The following TNK2 variants were observed in gnomAD, a reference collection of about 807,000 sequenced individuals.
The protein encoded by TNK2 is tyrosine kinase non receptor 2.
Under a neutral mutation model 101.8 loss-of-function variants are expected in TNK2, and 83 were observed. That is an observed-to-expected ratio of 0.82 (90% CI 0.68 to 0.98). TNK2 has a LOEUF of 0.98. Ranked by LOEUF, TNK2 falls within the 50% of genes least tolerant of loss-of-function variation. The pLI is 0.00. For synonymous variants in TNK2, 804 were observed against 633.0 expected (o/e 1.27, Z -4.06); for missense variants, 1,665 against 1,483.2 (o/e 1.12, Z -2.01).
Position 195,868,482 on chromosome 3 carries a change from G to A in TNK2, c.1816C>T (p.Gln606Ter). The stretch of plus-strand genomic sequence containing the variant: ...AGGGAGCAGGCGTCCATGGCCAGCT[G>A]CGCCAGGGAGGGCGCGCAGGGCCGT... ...ALRPCAPSLA[Q>*]LAMDACSLLD... Residue 606 changes from glutamine to a stop codon, truncating the protein, a stop_gained, in exon 13 of 16, where the codon CAG (glutamine) becomes TAG (stop). Transcript: ENST00000672887. LOFTEE classifies it high-confidence loss of function. 6.4e-7 allele frequency: 1 copy of A among 1,550,782 alleles called. No homozygotes were observed. The highest frequency in any genetic ancestry group is 2.3e-5 in the East Asian group (1 of 43,346).
At position 195,888,111 on chromosome 3, in the gene TNK2, T is replaced by C. The variant is rs1233124486; in HGVS notation, c.163+315A>G. Among the ~76,000 whole-genome samples, 1 of 152,062 alleles carries C rather than the reference T, an allele frequency of 6.6e-6. No homozygotes were observed. The highest frequency in any genetic ancestry group is 2.4e-5 in the African/African-American group (1 of 41,408). The stretch of plus-strand genomic sequence containing the variant: ...ATGGACCCCCCGGTAGTCAGAATGA[T>C]GAGAACAGACTCAATTCGATGCTTA... On this transcript the variant is annotated intron_variant, in intron 2 of 15. Coordinates refer to ENST00000672887, the MANE Select transcript of TNK2 (RefSeq NM_001382273.1). The surrounding 1 kb of genome is among the most constrained non-coding windows in gnomAD (Gnocchi z 5.3).
intron 6 of TNK2, 139 bp from the exon 7 acceptor site, chr3:195,879,314 G>C (rs1194419787): frequency 1.5e-6 from 2 of 1,350,624 alleles, no homozygotes; most frequent in African/African-American, 2.9e-5. Context: ...GGGGCGCCGT[G>C]TGAAGCGGGC....
At chr3:195,889,110 C>T (rs1039980990) in intron 1 of TNK2, among the ~76,000 whole-genome samples, 3 of 151,906 alleles carry the variant, frequency 2.0e-5, no homozygotes, top group African/African-American at 7.3e-5. Context: ...AAGTTCCTCC[C>T]AGCGCCTGAC....
rs1176023682 is a variant in TNK2 at position 195,905,115 on chromosome 3, G to A, written c.-19+3370C>T. On this transcript the variant is annotated intron_variant, in intron 1 of 15. Transcript: ENST00000672887. ...TAGTTTATAAACCCACAGTAATCAA[G>A]ATAGTGTGATACTGGGATAAAGACA... is the stretch of plus-strand genomic sequence containing the variant. Among the ~76,000 whole-genome samples, 3 of 152,190 alleles carry A rather than the reference G, an allele frequency of 2.0e-5. No individual in the cohort carries two copies. In the East Asian group the frequency reaches 5.8e-4, roughly 29 times the overall value.
chr3:195,900,961 G>T (rs780042340), intron 1 of TNK2, among the ~76,000 whole-genome samples: 1 of 152,246 alleles, frequency 6.6e-6, no homozygotes, highest in Non-Finnish European at 1.5e-5. Flanking sequence ...GAGGTGGAGT[G>T]TGGAAAGAAG....
At chr3:195,864,859 T>C (rs1371692388) in intron 15 of TNK2, among the ~76,000 whole-genome samples, 1 of 119,068 alleles carries the variant, frequency 8.4e-6, no homozygotes, top group African/African-American at 3.3e-5. Flanking sequence ...CCCGAGACAG[T>C]GACAGACAGG....
rs56190948 is a variant in TNK2 at position 195,888,496 on chromosome 3, G to A, written c.93C>T (p.Asn31=). Residue 31 remains asparagine (N), a synonymous_variant, in exon 2 of 16, where the codon AAC becomes AAT. Transcript: ENST00000672887. This position sits in a 1 kb window ranked among gnomAD's most constrained non-coding sequence, Gnocchi z 5.3. ...QYFLRLRDDL[N]VTRLSHFEYV... is the part of the protein sequence containing the mutation. Reference sequence around the variant, plus strand: ...ACTCAAAGTGGGACAGGCGGGTGACGTTGAGGTCATCTCGGAGCCGCAGGA... The same window carrying A: ...ACTCAAAGTGGGACAGGCGGGTGACATTGAGGTCATCTCGGAGCCGCAGGA... 8.3e-4 allele frequency: 1,340 copies of A among 1,613,982 alleles called. 10 individuals are homozygous for A. The African/African-American group carries it at 0.016, about 19-fold the overall frequency.
chr3:195,907,662 G>T (rs1003914158), intron 1 of TNK2, among the ~76,000 whole-genome samples: 1 of 152,218 alleles, frequency 6.6e-6, no homozygotes, highest in African/African-American at 2.4e-5. Flanking sequence ...GAGTCAACAA[G>T]CCAAATACAG....
At chr3:195,870,393 G>C (rs922034751) in intron 10 of TNK2, 188 bp from the exon 11 acceptor site, 4 of 1,455,396 alleles carry the variant, frequency 2.7e-6, no homozygotes, top group Non-Finnish European at 3.7e-6. Context: ...AGAGAAGGCA[G>C]AGAAAGGACA....
intron 1 of TNK2, among the ~76,000 whole-genome samples, chr3:195,901,209 A>G (rs1761171606): frequency 6.6e-6 from 1 of 152,126 alleles, no homozygotes; most frequent in South Asian, 2.1e-4. Flanking sequence ...GGGACCCTCA[A>G]AGGGGAAGGG....
At position 195,878,342 on chromosome 3, in the gene TNK2, C is replaced by A; in HGVS notation, c.1167G>T (p.Gln389His). The change falls in exon 9 of 16, where the codon CAG becomes CAT. Residue 389 changes from glutamine (Q) to histidine (H), a missense_variant. Gln to His is a conservative substitution (Grantham distance 24, BLOSUM62 0). This residue lies in a region of TNK2 where 39 missense variants were observed against 65.8 expected (regional missense o/e 0.59). Transcript: ENST00000672887. This position sits in a 1 kb window ranked among gnomAD's most constrained non-coding sequence, Gnocchi z 4.7. The part of the protein sequence containing the change: ...VALRDFLLEA[Q>H]PTDMRALQDF... Reference sequence around the variant, plus strand: ...CCTGAAGGGCCCGCATGTCTGTGGGCTGGGCCTGGAGGAAGAGGAAGGTCG... The same window carrying A: ...CCTGAAGGGCCCGCATGTCTGTGGGATGGGCCTGGAGGAAGAGGAAGGTCG... The A allele has an allele frequency of 6.2e-7, 1 of 1,614,138 alleles. No homozygotes were observed.
intron 10 of TNK2, among the ~76,000 whole-genome samples, chr3:195,871,512 T>C (rs367943125): frequency 3.9e-5 from 6 of 152,024 alleles, no homozygotes; most frequent in African/African-American, 9.7e-5. Context: ...AAACCACTGC[T>C]CGTGTGCAGG....
At chr3:195,870,372 G>A (rs1320862578) in intron 10 of TNK2, 167 bp from the exon 11 acceptor site, 18 of 1,482,544 alleles carry the variant, frequency 1.2e-5, no homozygotes, top group East Asian at 8.6e-5. Flanking sequence ...CTCAGCTGGG[G>A]GGTGTCCTGG....
intron 12 of TNK2, 149 bp downstream of exon 12, chr3:195,869,332 CGAGGGGGGGCAGGCAT>C: frequency 1.4e-6 from 1 of 740,100 alleles, no homozygotes. Context: ...GGGGCGGGCT[CGAGGGGGGGCAGGCAT>C]GCTAGGCCAG....
At chr3:195,896,246 G>A in intron 1 of TNK2, 1 of 392,072 alleles carries the variant, frequency 2.6e-6, no homozygotes, top group Non-Finnish European at 5.1e-6. Flanking sequence ...ATCTGAAGCA[G>A]CCACTGACTC....
In TNK2 at chr3:195,882,338, C is replaced by A. The variant is rs746864306; in HGVS notation, c.610-10G>T. 1 of 1,608,648 alleles carries A rather than the reference C, an allele frequency of 6.2e-7. No individual in the cohort carries two copies. Among genetic ancestry groups the A allele is most frequent in the South Asian group, 1.1e-5 (1 of 91,004 alleles). On this transcript the variant is annotated splice_polypyrimidine_tract_variant and intron_variant, in intron 5 of 15. Coordinates refer to ENST00000672887, the MANE Select transcript of TNK2 (RefSeq NM_001382273.1). The surrounding 1 kb of genome is among the most constrained non-coding windows in gnomAD (Gnocchi z 4.2). ...GTGCCAGCTCTGTCACCTGAGGCCA[C>A]GGAGGAGGCAGGAGGAATGAGCTGG...
Position 195,867,187 on chromosome 3 carries a change from C to G in TNK2, c.3015G>C (p.Arg1005Ser). 6.2e-7 allele frequency: 1 copy of G among 1,612,978 alleles called. No individual in the cohort carries two copies. Among genetic ancestry groups the G allele is most frequent in the Non-Finnish European group, 8.5e-7 (1 of 1,179,906 alleles). ...ALQCHGWSVQRAAQYLKVEQL... is the reference protein window; with the variant it reads ...ALQCHGWSVQSAAQYLKVEQL... ...GCGGTACCTTCAGATACTGGGCAGC[C>G]CTCTGCACGCTCCAGCCGTGGCACT... Residue 1005 changes from arginine (R) to serine (S), a missense_variant, in exon 14 of 16, where the codon AGG becomes AGC. Transcript: ENST00000672887.
At chr3:195,897,311 C>G (rs1760703885) in intron 1 of TNK2, among the ~76,000 whole-genome samples, 1 of 152,216 alleles carries the variant, frequency 6.6e-6, no homozygotes, top group South Asian at 2.1e-4. Context: ...AGGAGGCTGG[C>G]CAGGGCCCAA....
intron 1 of TNK2, among the ~76,000 whole-genome samples, chr3:195,899,762 G>A (rs975850282): frequency 4.6e-5 from 7 of 152,206 alleles, no homozygotes; most frequent in African/African-American, 7.2e-5. Context: ...TCTGTACATC[G>A]TAAGGGAACC....
Sources: gnomAD v4.1 joint callset for allele counts (sites outside exome capture counted in the v4.1 genomes callset) on GRCh38, gnomAD v4.1.1 for gene constraint, gnomAD v4.1.1 regional missense constraint, Gnocchi (gnomAD v3.1) non-coding constraint, MANE v1.5 for transcripts, NCBI Gene and HGNC (gene_info 2026-07-23, HGNC 2026-07-21) for gene names.